PRELID2: variants seen among roughly 807,000 people sequenced by gnomAD.
The protein encoded by PRELID2 is PRELI domain containing 2.
A neutral mutation model predicts 28.4 loss-of-function variants in PRELID2; 25 were observed. That is an observed-to-expected ratio of 0.88 (90% CI 0.64 to 1.23). The LOEUF is 1.23. Ranked by LOEUF, PRELID2 falls within the 50% of genes most tolerant of loss-of-function variation. The probability of loss-of-function intolerance (pLI) is 0.00; values close to 1 mark genes in which losing one functional copy is unlikely to be tolerated. For synonymous variants in PRELID2, 76 were observed against 71.6 expected (o/e 1.06, Z -0.31); for missense variants, 201 against 214.4 (o/e 0.94, Z 0.39).
intron 1 of PRELID2, among the ~76,000 whole-genome samples, chr5:145,744,910 G>T (rs921448704): frequency 2.1e-4 from 32 of 152,134 alleles, no homozygotes; most frequent in African/African-American, 7.7e-4. Context: ...AGAAAAAACT[G>T]TGCTGAGCTC....
At chr5:145,596,691 A>G (rs1157295013) in intron 1 of PRELID2, among the ~76,000 whole-genome samples, 1 of 152,174 alleles carries the variant, frequency 6.6e-6, no homozygotes, top group African/African-American at 2.4e-5. Flanking sequence ...CTGCGCAATC[A>G]GAACCTAAAC....
chr5:145,413,948 T>C, the PRELID2 span, among the ~76,000 whole-genome samples: 3 of 152,320 alleles, frequency 2.0e-5, no homozygotes, highest in East Asian at 5.8e-4. Flanking sequence ...TGATGAACAC[T>C]TGGTTCCACA....
chr5:145,383,552 G>A, the PRELID2 span, among the ~76,000 whole-genome samples: 4 of 148,560 alleles, frequency 2.7e-5, no homozygotes, highest in African/African-American at 9.9e-5. Flanking sequence ...TTTCATCAAA[G>A]AAGCCAATGC....
intron 1 of PRELID2, among the ~76,000 whole-genome samples, chr5:145,600,290 CT>C (rs1398266146): frequency 6.6e-6 from 1 of 151,680 alleles, no homozygotes; most frequent in Non-Finnish European, 1.5e-5. Context: ...GATAAAACAG[CT>C]AGATCCCGAG....
chr5:145,456,286 C>T, the PRELID2 span, among the ~76,000 whole-genome samples: 4,282 of 152,282 alleles, frequency 0.028, 197 homozygotes, highest in African/African-American at 0.098. Context: ...CTAATCTTGT[C>T]GCAGACCAGT....
chr5:145,720,466 G>A (rs1391620094), intron 1 of PRELID2, among the ~76,000 whole-genome samples: 3 of 151,778 alleles, frequency 2.0e-5, no homozygotes, highest in African/African-American at 7.3e-5. Flanking sequence ...AGAAATTCAA[G>A]AGGAAAAAAA....
chr5:145,259,516 T>G, the PRELID2 span, among the ~76,000 whole-genome samples: 1 of 152,340 alleles, frequency 6.6e-6, no homozygotes, highest in African/African-American at 2.4e-5. Flanking sequence ...GGAGATTATT[T>G]TGGCGCTTTA....
chr5:145,453,044 G>T, the PRELID2 span, among the ~76,000 whole-genome samples: 1 of 152,170 alleles, frequency 6.6e-6, no homozygotes, highest in Non-Finnish European at 1.5e-5. Context: ...AATAAGCTCT[G>T]TAGGTGTGAA....
intron 1 of PRELID2, among the ~76,000 whole-genome samples, chr5:145,566,054 G>A (rs1752964839): frequency 6.6e-6 from 1 of 152,154 alleles, no homozygotes; most frequent in Non-Finnish European, 1.5e-5. Context: ...TCAGAGTGCT[G>A]TTACAAGTAG....
At chr5:145,807,960 A>G (rs1008303819) in intron 4 of PRELID2, among the ~76,000 whole-genome samples, 1 of 152,200 alleles carries the variant, frequency 6.6e-6, no homozygotes, top group African/African-American at 2.4e-5. Flanking sequence ...GCAAATGAGT[A>G]TCTTTTGGAG....
chr5:145,230,293 G>T, the PRELID2 span, among the ~76,000 whole-genome samples: 1 of 152,180 alleles, frequency 6.6e-6, no homozygotes, highest in African/African-American at 2.4e-5. Context: ...AGAAAAAAAG[G>T]CAGGGCACAG....
intron 1 of PRELID2, among the ~76,000 whole-genome samples, chr5:145,553,324 A>G (rs1462012158): frequency 6.6e-6 from 1 of 152,144 alleles, no homozygotes; most frequent in African/African-American, 2.4e-5. Context: ...CACAGGTAGC[A>G]TGAACAAAGG....
At chr5:145,538,210 C>CT (rs1282593805) in intron 1 of PRELID2, among the ~76,000 whole-genome samples, 2 of 151,618 alleles carry the variant, frequency 1.3e-5, no homozygotes, top group Non-Finnish European at 3.0e-5. Context: ...TCCTTATGTC[C>CT]TTTTTTATGC....
chr5:145,523,580 C>T (rs1368779876), intron 1 of PRELID2, among the ~76,000 whole-genome samples: 1 of 152,124 alleles, frequency 6.6e-6, no homozygotes, highest in Non-Finnish European at 1.5e-5. Context: ...TAGGTGGCCA[C>T]CATCTCTCTG....
chr5:145,483,936 C>T (rs1358198972), intron 1 of PRELID2, among the ~76,000 whole-genome samples: 2 of 152,194 alleles, frequency 1.3e-5, no homozygotes, highest in Non-Finnish European at 2.9e-5. Context: ...GAGCACTGTA[C>T]CTGACATATA....
At chr5:145,413,909 G>A in the PRELID2 span, among the ~76,000 whole-genome samples, 3 of 151,972 alleles carry the variant, frequency 2.0e-5, no homozygotes, top group East Asian at 1.9e-4. Context: ...ATTTTATTGT[G>A]TCTATATAAC....
At chr5:145,774,572 G>A (rs1296645738) in intron 5 of PRELID2, among the ~76,000 whole-genome samples, 1 of 152,216 alleles carries the variant, frequency 6.6e-6, no homozygotes, top group Non-Finnish European at 1.5e-5. Context: ...GACTCCCGCA[G>A]TGAGGCACCT....
the PRELID2 span, among the ~76,000 whole-genome samples, chr5:145,436,542 A>G: frequency 6.6e-6 from 1 of 152,308 alleles, no homozygotes; most frequent in Non-Finnish European, 1.5e-5. Context: ...TTACATTCCC[A>G]CCAGCAGTGT....
intron 3 of PRELID2, chr5:145,819,472 T>C: frequency 3.6e-6 from 4 of 1,123,400 alleles, no homozygotes. Flanking sequence ...TGATATTACT[T>C]TAGAGAAATA....
Sources: gnomAD v4.1 joint callset for allele counts (sites outside exome capture counted in the v4.1 genomes callset) on GRCh38, gnomAD v4.1.1 for gene constraint, MANE v1.5 for transcripts, NCBI Gene and HGNC (gene_info 2026-07-23, HGNC 2026-07-21) for gene names.